The following CPQ variants were observed in gnomAD, a reference collection of about 807,000 sequenced individuals.
CPQ encodes the protein Ser-Met dipeptidase.
Under a neutral mutation model 45.7 loss-of-function variants are expected in CPQ, and 37 were observed. The ratio of observed to expected loss-of-function variants is 0.81; its 90% CI spans 0.62 to 1.07. CPQ has a LOEUF of 1.07. CPQ is among the 50% of genes least tolerant of loss of function. The pLI is 0.00. For synonymous variants in CPQ, 186 were observed against 205.8 expected, an observed-to-expected ratio of 0.90 and a Z score of 0.82; for missense variants, 537 against 572.9, an observed-to-expected ratio of 0.94 and a Z score of 0.64.
intron 6 of CPQ, among the ~76,000 whole-genome samples, chr8:97,041,767 G>A (rs1402555601): frequency 6.6e-6 from 1 of 152,148 alleles, no homozygotes; most frequent in Non-Finnish European, 1.5e-5. Flanking sequence ...CTTTGGTTCT[G>A]TTTATATGCT....
intron 1 of CPQ, among the ~76,000 whole-genome samples, chr8:96,698,408 T>A (rs1396924115): frequency 6.6e-6 from 1 of 152,020 alleles, no homozygotes; most frequent in Non-Finnish European, 1.5e-5. Context: ...TAAGAAAATA[T>A]TGGGTGAAAC....
chr8:96,763,695 TAAG>T (rs1361528854), intron 1 of CPQ, among the ~76,000 whole-genome samples: 4 of 151,874 alleles, frequency 2.6e-5, no homozygotes, highest in African/African-American at 9.7e-5. Context: ...ATATAAATAA[TAAG>T]AAGGTAACCT....
At chr8:96,755,456 C>A (rs1810316447) in intron 1 of CPQ, among the ~76,000 whole-genome samples, 1 of 151,636 alleles carries the variant, frequency 6.6e-6, no homozygotes, top group South Asian at 2.1e-4. Flanking sequence ...TTAGGAGGGT[C>A]AAATTAAAAT....
chr8:96,777,756 ATATATTTTTTTTTTTTTTTTTTTT>A (rs1488229261), intron 1 of CPQ, among the ~76,000 whole-genome samples: 2 of 12,184 alleles, frequency 1.6e-4, no homozygotes, highest in African/African-American at 7.5e-4. Flanking sequence ...ATATATATAT[ATATATTTTTTTTTTTTTTTTTTTT>A]TTTTTTTTTT....
At chr8:96,704,603 C>T (rs1019858026) in intron 1 of CPQ, among the ~76,000 whole-genome samples, 9 of 152,040 alleles carry the variant, frequency 5.9e-5, no homozygotes, top group African/African-American at 2.2e-4. Flanking sequence ...ATTGATATAT[C>T]TGGAGTTCAA....
intron 7 of CPQ, among the ~76,000 whole-genome samples, chr8:97,089,484 G>A (rs906657928): frequency 6.6e-6 from 1 of 151,962 alleles, no homozygotes; most frequent in East Asian, 1.9e-4. Flanking sequence ...AGAATAGTCC[G>A]CTAGTTCTTC....
intron 1 of CPQ, among the ~76,000 whole-genome samples, chr8:96,691,818 C>T (rs371007842): frequency 3.3e-5 from 5 of 152,178 alleles, no homozygotes; most frequent in South Asian, 2.1e-4. Context: ...AGTGGCTTTT[C>T]GGTAGAGGCA....
intron 4 of CPQ, among the ~76,000 whole-genome samples, chr8:96,908,164 A>G (rs1033110825): frequency 6.6e-6 from 1 of 151,076 alleles, no homozygotes; most frequent in African/African-American, 2.4e-5. Context: ...GAGGAGAGAG[A>G]GACGAGAGAG....
At chr8:96,846,825 T>C (rs756269857) in intron 3 of CPQ, among the ~76,000 whole-genome samples, 3 of 152,242 alleles carry the variant, frequency 2.0e-5, no homozygotes, top group Non-Finnish European at 4.4e-5. Context: ...TCTTTCTGAA[T>C]TCCATAATCC....
chr8:96,830,537 G>A (rs958158708), intron 2 of CPQ, among the ~76,000 whole-genome samples: 1 of 151,990 alleles, frequency 6.6e-6, no homozygotes, highest in Non-Finnish European at 1.5e-5. Context: ...GGAACCTGAG[G>A]ATTTTTATAA....
intron 1 of CPQ, among the ~76,000 whole-genome samples, chr8:96,760,356 G>A (rs554090139): frequency 2.0e-5 from 3 of 152,320 alleles, no homozygotes; most frequent in Non-Finnish European, 4.4e-5. Context: ...CTTTATGGAG[G>A]AGGAAACACA....
intron 3 of CPQ, among the ~76,000 whole-genome samples, chr8:96,876,565 A>G (rs1812147722): frequency 1.3e-5 from 2 of 152,100 alleles, no homozygotes; most frequent in Admixed American, 1.3e-4. Context: ...TAGCTGTGGG[A>G]TATTTGTAGA....
In CPQ at chr8:96,880,024, T is replaced by C. The variant is rs550967978; in HGVS notation, c.849+19T>C. Reference sequence around the variant, plus strand: ...AGAACAGGTGAGTGAAGGAGAAGGCTGGCCTAAGAATACAGTTTCCTGGTC... The same window carrying C: ...AGAACAGGTGAGTGAAGGAGAAGGCCGGCCTAAGAATACAGTTTCCTGGTC... On this transcript the variant is annotated intron_variant, in intron 4 of 7. Transcript: ENST00000220763. 1 of 1,603,730 alleles carries C rather than the reference T, an allele frequency of 6.2e-7. No individual in the cohort carries two copies. Among genetic ancestry groups the C allele is most frequent in the African/African-American group, 1.3e-5 (1 of 74,806 alleles).
intron 1 of CPQ, among the ~76,000 whole-genome samples, chr8:96,754,489 T>G (rs1810306514): frequency 6.6e-6 from 1 of 152,034 alleles, no homozygotes; most frequent in African/African-American, 2.4e-5. Flanking sequence ...TTTTCCTACT[T>G]TAACCTACCC....
At chr8:96,924,945 T>C (rs573842491) in intron 4 of CPQ, among the ~76,000 whole-genome samples, 10 of 152,362 alleles carry the variant, frequency 6.6e-5, no homozygotes, top group African/African-American at 2.4e-4. Flanking sequence ...CGATCTACCC[T>C]TTTATGTAAC....
At chr8:97,034,540 T>C (rs1809963191) in intron 6 of CPQ, among the ~76,000 whole-genome samples, 1 of 152,248 alleles carries the variant, frequency 6.6e-6, no homozygotes, top group Non-Finnish European at 1.5e-5. Context: ...CAACTCATTT[T>C]TCTTGCTGTT....
intron 1 of CPQ, among the ~76,000 whole-genome samples, chr8:96,769,340 A>G (rs1414133703): frequency 6.6e-6 from 1 of 152,110 alleles, no homozygotes; most frequent in African/African-American, 2.4e-5. Context: ...TCCTAGGGCT[A>G]CCCACTTTGT....
chr8:97,142,355 C>T (rs534176323), intron 7 of CPQ, among the ~76,000 whole-genome samples: 4 of 152,238 alleles, frequency 2.6e-5, no homozygotes, highest in African/African-American at 9.6e-5. Flanking sequence ...AAAAGCTTCA[C>T]ACTTGAATGA....
chr8:97,024,393 T>C (rs1809761531), intron 5 of CPQ, among the ~76,000 whole-genome samples: 1 of 152,062 alleles, frequency 6.6e-6, no homozygotes, highest in South Asian at 2.1e-4. Flanking sequence ...GTTTGCAAGA[T>C]GGAGTTTAAA....
Sources: allele counts gnomAD v4.1 joint callset (sites outside exome capture counted in the v4.1 genomes callset), GRCh38; gene constraint gnomAD v4.1.1; transcripts MANE v1.5; gene names NCBI Gene and HGNC (gene_info 2026-07-23, HGNC 2026-07-21).